DUSP8: variants seen among roughly 807,000 people sequenced by gnomAD.
DUSP8 encodes the protein dual specificity protein phosphatase 8.
DUSP8 carries 15 observed loss-of-function variants against 38.7 expected under a neutral mutation model. The observed-to-expected ratio is 0.39, with a 90% CI of 0.26 to 0.60. DUSP8 has a LOEUF of 0.60. DUSP8 is among the 20% of genes least tolerant of loss of function. The pLI, the probability that DUSP8 is intolerant of heterozygous loss-of-function variation, is 0.56. For missense variants in DUSP8, 768 were observed against 915.0 expected, an observed-to-expected ratio of 0.84 and a Z score of 2.07; for synonymous variants, 458 against 433.9, an observed-to-expected ratio of 1.06 and a Z score of -0.69.
chr11:1,558,174 G>C lies in DUSP8; in HGVS notation c.635C>G (p.Pro212Arg), dbSNP rs1276215014. 1 of 1,611,878 alleles carries C rather than the reference G, an allele frequency of 6.2e-7. No individual in the cohort carries two copies. Among genetic ancestry groups the C allele is most frequent in the Non-Finnish European group, 8.5e-7 (1 of 1,179,824 alleles). The change falls in exon 5 of 7, where the codon CCC becomes CGC. Residue 212 changes from proline (P) to arginine (R), a missense_variant. Physicochemically the swap from Pro to Arg is moderately radical, Grantham distance 103. Around this residue, in one of 3 missense-constraint regions of DUSP8, gnomAD observed 252 missense variants for 410.4 expected, o/e 0.61. Coordinates refer to ENST00000397374, the MANE Select transcript of DUSP8 (RefSeq NM_004420.3). The surrounding 1 kb of genome is among the most constrained non-coding windows in gnomAD (Gnocchi z 6.3). ...TTTTTCACAGTAGTTGTCGTTGATG[G>C]GGACCCGCATGAAGCGGCTCTCGCA... ...FICESRFMRV[P>R]INDNYCEKLL...
At chr11:1,563,142 A>G (rs1302691883) in intron 3 of DUSP8, among the ~76,000 whole-genome samples, 4 of 152,098 alleles carry the variant, frequency 2.6e-5, no homozygotes, top group Non-Finnish European at 5.9e-5. Context: ...GGCCAGGCAG[A>G]AGGAGCCTGG....
At chr11:1,562,614 C>A (rs1410293247) in intron 3 of DUSP8, among the ~76,000 whole-genome samples, 1 of 152,214 alleles carries the variant, frequency 6.6e-6, no homozygotes, top group Non-Finnish European at 1.5e-5. Context: ...CACGTACATG[C>A]ACATATGCGC....
intron 3 of DUSP8, among the ~76,000 whole-genome samples, chr11:1,560,325 G>T (rs2133436235): frequency 6.6e-6 from 1 of 152,216 alleles, no homozygotes; most frequent in Middle Eastern, 3.4e-3. Flanking sequence ...TGTGTAGCAG[G>T]TGCCCACTGC....
Position 1,563,963 on chromosome 11 carries a change from C to T in DUSP8, c.258G>A (p.Val86=), listed in dbSNP as rs1420375364. The T allele has an allele frequency of 1.3e-6, 2 of 1,514,182 alleles. No individual in the cohort carries two copies. The highest frequency in any genetic ancestry group is 1.8e-6 in the Non-Finnish European group (2 of 1,124,680). The allele number at this position is 1,514,182 out of a possible 1,614,324, so 93.8% of individuals were successfully genotyped here. A position where few individuals can be genotyped will look rare whatever the true frequency, so the allele number is the denominator to read the frequency against. The change falls in exon 3 of 7, where the codon GTG becomes GTA. Residue 86 remains valine (V), a synonymous_variant. Coordinates refer to ENST00000397374, the MANE Select transcript of DUSP8 (RefSeq NM_004420.3). Reference sequence around the variant, plus strand: ...CCCGCGTGCTCTGGTCATAGACCACCACGTCCTGTGGCTCCGTAGCCTCCA... The same window carrying T: ...CCCGCGTGCTCTGGTCATAGACCACTACGTCCTGTGGCTCCGTAGCCTCCA... ...SQVEATEPQD[V]VVYDQSTRDA... is the part of the protein sequence containing the mutation.
chr11:1,559,481 T>C, intron 3 of DUSP8: 1 of 167,298 alleles, frequency 6.0e-6, no homozygotes, highest in Non-Finnish European at 1.3e-5. Context: ...CCATCTCCCA[T>C]ACCCATGGCC....
chr11:1,562,218 C>A (rs904949304), intron 3 of DUSP8, among the ~76,000 whole-genome samples: 1 of 152,190 alleles, frequency 6.6e-6, no homozygotes, highest in Admixed American at 6.5e-5. Context: ...ACTCTGGCCT[C>A]GAGGGAGACA....
In DUSP8 at chr11:1,560,476, C is replaced by T. The variant is rs1183533406; in HGVS notation, c.371-1421G>A. Among the ~76,000 whole-genome samples, 3 of 152,304 alleles carry T rather than the reference C, an allele frequency of 2.0e-5. No individual in the cohort carries two copies. In the East Asian group the frequency reaches 5.8e-4, roughly 29 times the overall value. On this transcript the variant is annotated intron_variant, in intron 3 of 6. Transcript: ENST00000397374. ...ACCAGAACACCTGCTGTGCCAGCTC[C>T]CCGTGTCCCTAAAAAGGGCGTGACG... is the stretch of plus-strand genomic sequence containing the variant.
At chr11:1,562,597 G>A (rs1000229116) in intron 3 of DUSP8, among the ~76,000 whole-genome samples, 3 of 151,960 alleles carry the variant, frequency 2.0e-5, no homozygotes, top group East Asian at 1.9e-4. Context: ...GCATATACAC[G>A]TGCACACACG....
chr11:1,557,146 CCGGGGTCGGGGGGCCCGGGGCCGT>C lies in DUSP8; in HGVS notation c.1226_1249del (p.Asp409_Pro416del), dbSNP rs1188566361. 2 of 1,429,422 alleles carry C rather than the reference CCGGGGTCGGGGGGCCCGGGGCCGT, an allele frequency of 1.4e-6. No individual in the cohort carries two copies. The allele number at this position is 1,429,422 out of a possible 1,614,324, so 88.5% of individuals were successfully genotyped here. A position where few individuals can be genotyped will look rare whatever the true frequency, so the allele number is the denominator to read the frequency against. ...CAGCTTGCAGAGCTTCGGGGCCTCG[CCGGGGTCGGGGGGCCCGGGGCCGT>C]CGGGCCGCCTGCTAGGGGCGTAGGC... On this transcript the variant is annotated inframe_deletion, in exon 7 of 7. Transcript: ENST00000397374. The surrounding 1 kb of genome is among the most constrained non-coding windows in gnomAD (Gnocchi z 9.9).
chr11:1,570,178 G>C (rs554046947), intron 1 of DUSP8, among the ~76,000 whole-genome samples: 9 of 152,322 alleles, frequency 5.9e-5, no homozygotes, highest in Non-Finnish European at 8.8e-5. Flanking sequence ...AAGGGGCCGT[G>C]ACAGTCGAGT....
In DUSP8 at chr11:1,555,089, G is replaced by A. The variant is rs1028045253; in HGVS notation, c.*1429C>T. 18 of 987,068 alleles carry A rather than the reference G, an allele frequency of 1.8e-5. No homozygotes were observed. Among genetic ancestry groups the A allele is most frequent in the Middle Eastern group, 3.4e-4 (1 of 2,906 alleles). 61.1% of individuals were successfully genotyped at this position (987,068 alleles called of 1,614,324 possible). On this transcript the variant is annotated 3_prime_UTR_variant, in exon 7 of 7. Coordinates refer to ENST00000397374, the MANE Select transcript of DUSP8 (RefSeq NM_004420.3). ...GGGCTGCCTCTCCGGCCAAGCCCCT[G>A]GCCTCTTCCCACAGTGACTGGCCCC...
At chr11:1,572,374 G>C (rs1848919580), upstream of DUSP8, among the ~76,000 whole-genome samples, 1 of 150,324 alleles carries the variant, frequency 6.7e-6, no homozygotes, top group African/African-American at 2.4e-5. The surrounding 1 kb of genome is among the most constrained non-coding windows in gnomAD (Gnocchi z 4.7). Context: ...GCGCGGCTCG[G>C]GGGCAGGTGA....
chr11:1,557,644 C>A lies in DUSP8; in HGVS notation c.822-70G>T. On this transcript the variant is annotated intron_variant, in intron 6 of 6. Transcript: ENST00000397374. This position sits in a 1 kb window ranked among gnomAD's most constrained non-coding sequence, Gnocchi z 9.9. ...CTGCCCACCTGACGCACCCGCTGGG[C>A]ACCCACGAGCTCATGTGCGCCAGGC... 1 of 1,519,284 alleles carries A rather than the reference C, an allele frequency of 6.6e-7. No individual in the cohort carries two copies. Among genetic ancestry groups the A allele is most frequent in the Non-Finnish European group, 8.8e-7 (1 of 1,135,458 alleles). The allele number at this position is 1,519,284 out of a possible 1,614,324, so 94.1% of individuals were successfully genotyped here.
chr11:1,568,580 T>C lies in DUSP8; in HGVS notation c.-108-2646A>G, dbSNP rs1848841724. ...GCTGCTCCTGCGGCAGCCACCACCA[T>C]GGAGCAGGCTCCTCTGCAGAGTGGG... On this transcript the variant is annotated intron_variant, in intron 1 of 6. Coordinates refer to ENST00000397374, the MANE Select transcript of DUSP8 (RefSeq NM_004420.3). Among the ~76,000 whole-genome samples the C allele has an allele frequency of 1.3e-5, 2 of 152,166 alleles. 1 individual carries two copies. The highest frequency in any genetic ancestry group is 4.1e-4 in the South Asian group (2 of 4,834).
At chr11:1,571,047 G>T (rs1022864061) in intron 1 of DUSP8, among the ~76,000 whole-genome samples, 1 of 151,452 alleles carries the variant, frequency 6.6e-6, no homozygotes, top group Admixed American at 6.6e-5. Context: ...CAGCACCAGA[G>T]CCCCTATTCC....
In DUSP8 at chr11:1,554,744, G is replaced by T; in HGVS notation, c.*1774C>A. On this transcript the variant is annotated 3_prime_UTR_variant, in exon 7 of 7. Transcript: ENST00000397374. ...AGCCAGTGCATCCTCCTCACCCAGG[G>T]TCTCCTCAGAAACCCAACGCAACAG... The T allele has an allele frequency of 3.9e-6, 2 of 507,182 alleles. No homozygotes were observed. The highest frequency in any genetic ancestry group is 5.1e-6 in the Non-Finnish European group (2 of 391,134). The allele number at this position is 507,182 out of a possible 1,614,324, so 31.4% of individuals were successfully genotyped here. A position where few individuals can be genotyped will look rare whatever the true frequency, so the allele number is the denominator to read the frequency against.
chr11:1,557,664 C>G lies in DUSP8; in HGVS notation c.822-90G>C, dbSNP rs1848657555. 1 of 1,549,286 alleles carries G rather than the reference C, an allele frequency of 6.5e-7. No homozygotes were observed. Among genetic ancestry groups the G allele is most frequent in the Non-Finnish European group, 8.7e-7 (1 of 1,147,768 alleles). On this transcript the variant is annotated intron_variant, in intron 6 of 6. Transcript: ENST00000397374. The surrounding 1 kb of genome is among the most constrained non-coding windows in gnomAD (Gnocchi z 9.9). ...CTGGGCACCCACGAGCTCATGTGCG[C>G]CAGGCTGGTCTCAGGCCCTCCTCCC...
In DUSP8 at chr11:1,558,034, C is replaced by T; in HGVS notation, c.697+78G>A. The T allele has an allele frequency of 1.2e-6, 2 of 1,610,920 alleles. No individual in the cohort carries two copies. Among genetic ancestry groups the T allele is most frequent in the Non-Finnish European group, 1.7e-6 (2 of 1,178,706 alleles). On this transcript the variant is annotated intron_variant, in intron 5 of 6. Coordinates refer to ENST00000397374, the MANE Select transcript of DUSP8 (RefSeq NM_004420.3). The surrounding 1 kb of genome is among the most constrained non-coding windows in gnomAD (Gnocchi z 6.3). The stretch of plus-strand genomic sequence containing the variant: ...ACAGTTCCGGCTACTTCCTGGGGAC[C>T]CCTCCTGTGTCTGTGGCCACACACA...
Position 1,556,882 on chromosome 11 carries a change from G to A in DUSP8, c.1514C>T (p.Pro505Leu), listed in dbSNP as rs923555797. 9.1e-6 allele frequency: 10 copies of A among 1,104,536 alleles called. No individual in the cohort carries two copies. The highest frequency in any genetic ancestry group is 1.7e-5 in the African/African-American group (1 of 59,674). The allele number at this position is 1,104,536 out of a possible 1,614,324, so 68.4% of individuals were successfully genotyped here. A position where few individuals can be genotyped will look rare whatever the true frequency, so the allele number is the denominator to read the frequency against. ...GLPGPGQPAG[P>L]GAWAPPLDSP... ...GTCGAGCGGCGGTGCCCAGGCCCCGGGGCCGGCCGGCTGGCCAGGGCCGGG... is the reference window on the plus strand; with the variant it reads ...GTCGAGCGGCGGTGCCCAGGCCCCGAGGCCGGCCGGCTGGCCAGGGCCGGG... Residue 505 changes from proline (P) to leucine (L), a missense_variant, in exon 7 of 7, where the codon CCC (proline) becomes CTC (leucine). Physicochemically the swap from Pro to Leu is moderately conservative, Grantham distance 98. Around this residue, in one of 3 missense-constraint regions of DUSP8, gnomAD observed 474 missense variants for 430.8 expected, o/e 1.10. Transcript: ENST00000397374. This position sits in a 1 kb window ranked among gnomAD's most constrained non-coding sequence, Gnocchi z 5.2.
Sources: allele counts gnomAD v4.1 joint callset (sites outside exome capture counted in the v4.1 genomes callset), GRCh38; gene constraint gnomAD v4.1.1; regional missense constraint gnomAD v4.1.1; non-coding constraint Gnocchi (gnomAD v3.1); transcripts MANE v1.5; gene names NCBI Gene and HGNC (gene_info 2026-07-23, HGNC 2026-07-21).